Variants in CDIN1 observed in about 807,000 individuals in gnomAD.
CDIN1 encodes the protein CDAN1-interacting nuclease 1.
Under a neutral mutation model 45.3 loss-of-function variants are expected in CDIN1, and 33 were observed. The observed-to-expected ratio is 0.73, with a 90% confidence interval of 0.55 to 0.97. The LOEUF is 0.97. Among genes scored for constraint, CDIN1 ranks in the 50% least tolerant of loss-of-function variants. The pLI is 0.00. For missense variants in CDIN1, 303 were observed against 339.4 expected (o/e 0.89, Z 0.84); for synonymous variants, 118 against 124.4 (o/e 0.95, Z 0.34).
chr15:36,652,050 C>T (rs2040595767), intron 3 of CDIN1, among the ~76,000 whole-genome samples: 1 of 152,202 alleles, frequency 6.6e-6, no homozygotes, highest in Non-Finnish European at 1.5e-5. Flanking sequence ...TCACTGTTTG[C>T]AGTCAGCTCT....
At chr15:36,755,887 G>T (rs533795094) in intron 10 of CDIN1, 1 of 297,506 alleles carries the variant, frequency 3.4e-6, no homozygotes, top group Admixed American at 4.5e-5. Context: ...TTTTATTCAG[G>T]GTTGAATATA....
At chr15:36,703,362 T>C (rs1208006474) in intron 8 of CDIN1, among the ~76,000 whole-genome samples, 3 of 88,204 alleles carry the variant, frequency 3.4e-5, no homozygotes, top group Admixed American at 2.5e-4. Context: ...ATATATCAGA[T>C]AGATCTATCA....
chr15:36,676,201 C>A (rs559358891), intron 5 of CDIN1, among the ~76,000 whole-genome samples: 1 of 152,216 alleles, frequency 6.6e-6, no homozygotes, highest in East Asian at 1.9e-4. Flanking sequence ...CTTGAAATTT[C>A]GCCTCTGCTC....
At chr15:36,707,018 C>A (rs1291838141) in intron 8 of CDIN1, 1 of 151,938 alleles carries the variant, frequency 6.6e-6, no homozygotes, top group African/African-American at 2.4e-5. Context: ...ATCATTTCAT[C>A]TGAACTTTGC....
At chr15:36,602,142 C>A (rs1484479366) in intron 1 of CDIN1, among the ~76,000 whole-genome samples, 3 of 152,224 alleles carry the variant, frequency 2.0e-5, no homozygotes, top group Admixed American at 1.3e-4. Flanking sequence ...ACGCTTCCAG[C>A]CACTCCAGTG....
At chr15:36,622,187 A>G (rs1039832172) in intron 1 of CDIN1, among the ~76,000 whole-genome samples, 2 of 152,008 alleles carry the variant, frequency 1.3e-5, no homozygotes, top group African/African-American at 4.8e-5. Flanking sequence ...AGATTTCAAT[A>G]TATGTTCTTT....
chr15:36,667,843 A>G (rs549205621), intron 5 of CDIN1, among the ~76,000 whole-genome samples: 1 of 152,306 alleles, frequency 6.6e-6, no homozygotes, highest in Non-Finnish European at 1.5e-5. Context: ...AGATAAAAAT[A>G]TGCAGACAAT....
chr15:36,768,183 A>G (rs17416445), intron 10 of CDIN1, among the ~76,000 whole-genome samples: 1 of 152,058 alleles, frequency 6.6e-6, no homozygotes, highest in Non-Finnish European at 1.5e-5. Flanking sequence ...AGGAGATGTA[A>G]TCTTTAAACC....
intron 5 of CDIN1, among the ~76,000 whole-genome samples, chr15:36,660,290 A>G (rs929101825): frequency 3.9e-5 from 6 of 152,134 alleles, no homozygotes; most frequent in Admixed American, 6.5e-5. Context: ...AGAATTCTAT[A>G]TAGGGGAAAT....
intron 10 of CDIN1, among the ~76,000 whole-genome samples, chr15:36,773,472 C>T (rs1481527094): frequency 6.6e-6 from 1 of 152,134 alleles, no homozygotes; most frequent in Non-Finnish European, 1.5e-5. Flanking sequence ...TAATATTACA[C>T]GTGGCTAGTG....
At chr15:36,587,203 T>C (rs1029752154) in intron 1 of CDIN1, among the ~76,000 whole-genome samples, 14 of 152,178 alleles carry the variant, frequency 9.2e-5, no homozygotes, top group African/African-American at 3.1e-4. Flanking sequence ...GCATGTTTTT[T>C]TTCTTTTTTT....
intron 1 of CDIN1, among the ~76,000 whole-genome samples, chr15:36,640,196 G>A (rs571242006): frequency 6.6e-6 from 1 of 152,204 alleles, no homozygotes; most frequent in East Asian, 1.9e-4. Context: ...ATTTTAGAGA[G>A]AAAAATGGCT....
chr15:36,623,353 A>T (rs1454565154), intron 1 of CDIN1, among the ~76,000 whole-genome samples: 1 of 152,112 alleles, frequency 6.6e-6, no homozygotes, highest in Admixed American at 6.5e-5. Context: ...CTTACTTGAG[A>T]CTGTAATTTT....
chr15:36,789,800 A>G (rs2054599056), intron 10 of CDIN1, among the ~76,000 whole-genome samples: 1 of 152,172 alleles, frequency 6.6e-6, no homozygotes, highest in African/African-American at 2.4e-5. Context: ...GCAACTGACT[A>G]TCTAAAGGCA....
In CDIN1 at chr15:36,810,217, G is replaced by A. The variant is rs570799461; in HGVS notation, c.*1764G>A. On this transcript the variant is annotated 3_prime_UTR_variant, in exon 11 of 11. Coordinates refer to ENST00000566621, the MANE Select transcript of CDIN1 (RefSeq NM_001321759.2). ...ATTAAACAAATTTATTATGATGAAC[G>A]TGAACAAATAAATTAAAAAATAAAA... The A allele has an allele frequency of 2.3e-4, 35 of 151,940 alleles. No homozygotes were observed. The highest frequency in any genetic ancestry group is 2.1e-3 in the South Asian group (10 of 4,806). 9.4% of individuals were successfully genotyped at this position (151,940 alleles called of 1,614,324 possible). A position where few individuals can be genotyped will look rare whatever the true frequency, so the allele number is the denominator to read the frequency against.
intron 1 of CDIN1, chr15:36,617,376 A>G (rs2038944928): frequency 6.4e-7 from 1 of 1,560,960 alleles, no homozygotes; most frequent in Non-Finnish European, 8.8e-7. Context: ...TTTTAGGACC[A>G]GAAGATCTGA....
chr15:36,625,651 A>G (rs2140328488), intron 1 of CDIN1, among the ~76,000 whole-genome samples: 1 of 152,326 alleles, frequency 6.6e-6, no homozygotes, highest in Non-Finnish European at 1.5e-5. Flanking sequence ...AGTTTTTAGA[A>G]CTTGCTTTTC....
intron 10 of CDIN1, among the ~76,000 whole-genome samples, chr15:36,738,500 G>A (rs1009803406): frequency 1.3e-5 from 2 of 151,964 alleles, no homozygotes; most frequent in Non-Finnish European, 2.9e-5. Context: ...CCCAGTTATT[G>A]TTCTGACCTC....
chr15:36,757,978 ACT>A (rs1404373929), intron 10 of CDIN1, among the ~76,000 whole-genome samples: 1 of 151,846 alleles, frequency 6.6e-6, no homozygotes, highest in African/African-American at 2.4e-5. Context: ...TTTTATTGTT[ACT>A]CTCTTATATG....
Sources: gnomAD v4.1 joint callset for allele counts (sites outside exome capture counted in the v4.1 genomes callset) on GRCh38, gnomAD v4.1.1 for gene constraint, MANE v1.5 for transcripts, NCBI Gene and HGNC (gene_info 2026-07-23, HGNC 2026-07-21) for gene names.